The following SLC1A5 variants were observed in gnomAD, a reference collection of about 807,000 sequenced individuals.
The protein encoded by SLC1A5 is solute carrier family 1 member 5.
Under a neutral mutation model 34.9 loss-of-function variants are expected in SLC1A5, and 25 were observed. The ratio of observed to expected loss-of-function variants is 0.72; its 90% CI spans 0.52 to 1.00. SLC1A5 has a LOEUF of 1.00. Among genes scored for constraint, SLC1A5 ranks in the 50% least tolerant of loss-of-function variants. The pLI is 0.00. For synonymous variants in SLC1A5, 351 were observed against 341.2 expected (o/e 1.03, Z -0.32); for missense variants, 637 against 740.0 (o/e 0.86, Z 1.61).
At chr19:46,780,434 AC>A in intron 4 of SLC1A5, among the ~76,000 whole-genome samples, 1 of 151,038 alleles carries the variant, frequency 6.6e-6, no homozygotes. Flanking sequence ...GCTCACTACA[AC>A]CTTTGCCTCC....
Position 46,787,704 on chromosome 19 carries a change from C to T in SLC1A5, c.262G>A (p.Ala88Thr), listed in dbSNP as rs761875776. 2.8e-5 allele frequency: 45 copies of T among 1,580,758 alleles called. No homozygotes were observed. The highest frequency in any genetic ancestry group is 3.7e-5 in the Non-Finnish European group (43 of 1,167,948). The change falls in exon 1 of 8, where the codon GCC becomes ACC. Residue 88 changes from alanine to threonine, a missense_variant. By Grantham distance (58) the Ala-to-Thr change is moderately conservative. Coordinates refer to ENST00000542575, the MANE Select transcript of SLC1A5 (RefSeq NM_005628.3). The surrounding 1 kb of genome is among the most constrained non-coding windows in gnomAD (Gnocchi z 5.2). Reference sequence around the variant, plus strand: ...AGCAGCTCGCCCGGGAAGACGAAGGCGCTCAAGCGCTCCGGGCCCAACGCC... The same window carrying T: ...AGCAGCTCGCCCGGGAAGACGAAGGTGCTCAAGCGCTCCGGGCCCAACGCC... ...ALALGPERLSAFVFPGELLLR... is the reference protein window; with the variant it reads ...ALALGPERLSTFVFPGELLLR...
At chr19:46,776,573 C>T (rs756282546) in intron 7 of SLC1A5, 1 of 171,508 alleles carries the variant, frequency 5.8e-6, no homozygotes, top group African/African-American at 2.4e-5. Context: ...GCAATTACTG[C>T]TTACTGGGGG....
At chr19:46,782,267 G>T in intron 4 of SLC1A5, 116 bp downstream of exon 4, 1 of 763,690 alleles carries the variant, frequency 1.3e-6, no homozygotes, top group Non-Finnish European at 2.1e-6. Context: ...AGGTCATCTG[G>T]CTCCAAAGAG....
Position 46,775,380 on chromosome 19 carries a change from T to C in SLC1A5, c.*130A>G. ...ATCCCAGATCTCCTGTCCTGGAGGG[T>C]GCTGGGGCCCCTGGCTCCCCAGAGT... On this transcript the variant is annotated 3_prime_UTR_variant, in exon 8 of 8. Transcript: ENST00000542575. 6.6e-7 allele frequency: 1 copy of C among 1,505,194 alleles called. No homozygotes were observed. Among genetic ancestry groups the C allele is most frequent in the South Asian group, 1.4e-5 (1 of 72,946 alleles). The allele number at this position is 1,505,194 out of a possible 1,614,324, so 93.2% of individuals were successfully genotyped here.
intron 4 of SLC1A5, among the ~76,000 whole-genome samples, chr19:46,781,141 C>T (rs2055142838): frequency 1.3e-5 from 2 of 152,208 alleles, no homozygotes; most frequent in Admixed American, 1.3e-4. Flanking sequence ...TTGCAGATTA[C>T]ACAACACCCA....
In SLC1A5 at chr19:46,778,866, G is replaced by A. The variant is rs1360097229; in HGVS notation, c.867C>T (p.Ile289=). The part of the protein sequence containing the change: ...VGIMFLVAGK[I]VEMEDVGLLF... ...GTAAACCCACATCCTCCATCTCCAC[G>A]ATCTTGCCAGCCACCAGGAACATGA... Residue 289 remains isoleucine, a synonymous_variant, in exon 5 of 8, where the codon ATC becomes ATT. Transcript: ENST00000542575. 1.7e-5 allele frequency: 27 copies of A among 1,591,106 alleles called. No homozygotes were observed. Among genetic ancestry groups the A allele is most frequent in the South Asian group, 4.6e-5 (4 of 86,490 alleles).
intron 7 of SLC1A5, among the ~76,000 whole-genome samples, chr19:46,776,372 A>AT (rs1195152851): frequency 6.6e-6 from 1 of 151,526 alleles, no homozygotes; most frequent in East Asian, 2.0e-4. Context: ...TACCCGGCTA[A>AT]TTTTTTTGTA....
intron 7 of SLC1A5, 30 bp downstream of exon 7, chr19:46,776,945 C>T: frequency 2.5e-6 from 4 of 1,605,886 alleles, no homozygotes; most frequent in Non-Finnish European, 1.7e-6. Context: ...GTACCCCTGG[C>T]CCTGCCCCAG....
At position 46,778,657 on chromosome 19, in the gene SLC1A5, C is replaced by A; in HGVS notation, c.1058+18G>T. 2 of 1,277,588 alleles carry A rather than the reference C, an allele frequency of 1.6e-6. No individual in the cohort carries two copies. The highest frequency in any genetic ancestry group is 1.1e-6 in the Non-Finnish European group (1 of 883,696). 79.1% of individuals were successfully genotyped at this position (1,277,588 alleles called of 1,614,324 possible). On this transcript the variant is annotated intron_variant, in intron 5 of 7. Transcript: ENST00000542575. ...TAGCGGATTAAACATCCCACCCTAG[C>A]CCACCCCAAGGCCGTACCTGGAAGA...
At chr19:46,783,978 G>A in intron 3 of SLC1A5, 119 bp downstream of exon 3, 3 of 752,208 alleles carry the variant, frequency 4.0e-6, no homozygotes, top group Non-Finnish European at 7.0e-6. Context: ...GACAGAAATT[G>A]GGGAAGGACT....
In SLC1A5 at chr19:46,787,765, C is replaced by G. The variant is rs748861726; in HGVS notation, c.201G>C (p.Ala67=). The change falls in exon 1 of 8, where the codon GCG becomes GCC. Residue 67 remains alanine, a synonymous_variant. Coordinates refer to ENST00000542575, the MANE Select transcript of SLC1A5 (RefSeq NM_005628.3). The surrounding 1 kb of genome is among the most constrained non-coding windows in gnomAD (Gnocchi z 5.2). Reference sequence around the variant, plus strand: ...CGGCCCCCGACACCCCCAGTCCCAGCGCCACGCCGGCCACCACGGCCACCA... The same window carrying G: ...CGGCCCCCGACACCCCCAGTCCCAGGGCCACGCCGGCCACCACGGCCACCA... ...LTVVAVVAGV[A]LGLGVSGAGG... 6 of 1,550,260 alleles carry G rather than the reference C, an allele frequency of 3.9e-6. No individual in the cohort carries two copies. The South Asian group carries it at 7.1e-5, about 18-fold the overall frequency.
Position 46,777,393 on chromosome 19 carries a change from C to T in SLC1A5, c.1071G>A (p.Leu357=). 1.9e-6 allele frequency: 3 copies of T among 1,608,000 alleles called. No individual in the cohort carries two copies. Among genetic ancestry groups the T allele is most frequent in the Non-Finnish European group, 2.5e-6 (3 of 1,177,182 alleles). Residue 357 remains leucine (L), a synonymous_variant, in exon 6 of 8, where the codon CTG becomes CTA. Coordinates refer to ENST00000542575, the MANE Select transcript of SLC1A5 (RefSeq NM_005628.3). ...CCTCCACGCACTTCATCATCAGCGG[C>T]AGCGTGGCGGAACTGCAAGGGATGG... The part of the protein sequence containing the change: ...AFGTSSSSAT[L]PLMMKCVEEN...
At position 46,787,089 on chromosome 19, in the gene SLC1A5, C is replaced by G; in HGVS notation, c.566+311G>C. 1 of 487,042 alleles carries G rather than the reference C, an allele frequency of 2.1e-6. No individual in the cohort carries two copies. The highest frequency in any genetic ancestry group is 3.1e-6 in the Non-Finnish European group (1 of 318,630). 30.2% of individuals were successfully genotyped at this position (487,042 alleles called of 1,614,324 possible). On this transcript the variant is annotated intron_variant, in intron 1 of 7. Coordinates refer to ENST00000542575, the MANE Select transcript of SLC1A5 (RefSeq NM_005628.3). The surrounding 1 kb of genome is among the most constrained non-coding windows in gnomAD (Gnocchi z 5.2). ...CGCAAAGATTCCCCCCGCAAAAGTT[C>G]CTCCTGGGGTCCCCTCCCCTCAGTG...
rs773479751 is a variant in SLC1A5, at chr19:46,775,499, C to T, written c.*11G>A. On this transcript the variant is annotated 3_prime_UTR_variant, in exon 8 of 8. Transcript: ENST00000542575. The stretch of plus-strand genomic sequence containing the variant: ...CACCCCCAGCAGGGCAGGGAAGGTC[C>T]CTCCCGGGGTTTACATGACTGATTC... 1.1e-5 allele frequency: 18 copies of T among 1,595,716 alleles called. No homozygotes were observed. The highest frequency in any genetic ancestry group is 1.4e-5 in the Non-Finnish European group (16 of 1,170,862).
At chr19:46,786,694 TG>T (rs1052145866) in intron 1 of SLC1A5, among the ~76,000 whole-genome samples, 5 of 152,074 alleles carry the variant, frequency 3.3e-5, no homozygotes, top group African/African-American at 1.2e-4. Context: ...AGGCCATTCT[TG>T]GGGGCGCGGG....
At chr19:46,782,887 G>T (rs1420068712) in intron 3 of SLC1A5, among the ~76,000 whole-genome samples, 1 of 152,136 alleles carries the variant, frequency 6.6e-6, no homozygotes, top group Non-Finnish European at 1.5e-5. Flanking sequence ...GTAAAGAAGG[G>T]TGGTAGAAAG....
At chr19:46,784,688 C>T (rs755091914) in intron 1 of SLC1A5, 129 bp from the exon 2 acceptor site, 1 of 1,588,194 alleles carries the variant, frequency 6.3e-7, no homozygotes, top group East Asian at 2.3e-5. Context: ...CAAATACAGC[C>T]CCTACTCATG....
intron 7 of SLC1A5, 87 bp from the exon 8 acceptor site, chr19:46,775,834 T>C: frequency 7.3e-7 from 1 of 1,361,778 alleles, no homozygotes; most frequent in Non-Finnish European, 9.8e-7. Flanking sequence ...CTCCTGCCTC[T>C]CTCCCCCTGG....
chr19:46,780,373 T>G (rs1304549459), intron 4 of SLC1A5, among the ~76,000 whole-genome samples: 1 of 150,760 alleles, frequency 6.6e-6, no homozygotes, highest in African/African-American at 2.4e-5. Context: ...TTATTATTAT[T>G]TAGACAGTCT....
Sources: allele counts gnomAD v4.1 joint callset (sites outside exome capture counted in the v4.1 genomes callset), GRCh38; gene constraint gnomAD v4.1.1; non-coding constraint Gnocchi (gnomAD v3.1); transcripts MANE v1.5; gene names NCBI Gene and HGNC (gene_info 2026-07-23, HGNC 2026-07-21).